CNNM2: variants seen among roughly 807,000 people sequenced by gnomAD.
CNNM2 encodes cyclin and CBS domain divalent metal cation transport mediator 2, also known as metal transporter CNNM2.
Under a neutral mutation model 66.9 loss-of-function variants are expected in CNNM2, and 12 were observed. The observed-to-expected ratio is 0.18, with a 90% CI of 0.11 to 0.29. CNNM2 has a LOEUF of 0.29. CNNM2 is among the 10% of genes least tolerant of loss of function. CNNM2 has a pLI of 1.00. For synonymous variants in CNNM2, 557 were observed against 501.8 expected (o/e 1.11, Z -1.47); for missense variants, 705 against 1,167.7 (o/e 0.60, Z 5.77).
chr10:103,038,243 T>C (rs1352424364), intron 1 of CNNM2, among the ~76,000 whole-genome samples: 1 of 152,220 alleles, frequency 6.6e-6, no homozygotes, highest in Non-Finnish European at 1.5e-5. Flanking sequence ...CTGTAAAATC[T>C]GAGAACCACC....
At chr10:103,014,704 A>G (rs1007525279) in intron 1 of CNNM2, among the ~76,000 whole-genome samples, 3 of 152,172 alleles carry the variant, frequency 2.0e-5, no homozygotes, top group Admixed American at 2.0e-4. Flanking sequence ...AAGCGCTTTT[A>G]CATTTGACAG....
At chr10:103,070,544 A>G (rs1043177206) in intron 5 of CNNM2, among the ~76,000 whole-genome samples, 1 of 152,186 alleles carries the variant, frequency 6.6e-6, no homozygotes, top group African/African-American at 2.4e-5. Flanking sequence ...GATGGCTTTG[A>G]AAATAAACTA....
In CNNM2 at chr10:102,938,490, C is replaced by T. The variant is rs868483804; in HGVS notation, c.1621+18389C>T. Reference sequence around the variant, plus strand: ...AAAAAATTAGCTGAGCATGGTGGCACACACCTGTCATGCTGGCTACTCAGG... The same window carrying T: ...AAAAAATTAGCTGAGCATGGTGGCATACACCTGTCATGCTGGCTACTCAGG... On this transcript the variant is annotated intron_variant, in intron 1 of 7. Coordinates refer to ENST00000369878, the MANE Select transcript of CNNM2 (RefSeq NM_017649.5). 2.7e-5 allele frequency among the ~76,000 whole-genome samples: 4 copies of T among 150,250 alleles called. No individual in the cohort carries two copies. In the South Asian group the frequency reaches 6.3e-4, roughly 24 times the overall value.
At chr10:103,021,073 C>G (rs957093847) in intron 1 of CNNM2, among the ~76,000 whole-genome samples, 19 of 152,264 alleles carry the variant, frequency 1.2e-4, no homozygotes, top group African/African-American at 4.6e-4. Context: ...CTTTCCTTAA[C>G]AAGGAAACTA....
chr10:103,045,183 C>G (rs2134322922), intron 1 of CNNM2, among the ~76,000 whole-genome samples: 1 of 152,318 alleles, frequency 6.6e-6, no homozygotes, highest in South Asian at 2.1e-4. Context: ...GAGAAACCTA[C>G]CGGACCAAGT....
At chr10:102,954,275 A>G (rs1304320787) in intron 1 of CNNM2, among the ~76,000 whole-genome samples, 1 of 151,718 alleles carries the variant, frequency 6.6e-6, no homozygotes, top group Non-Finnish European at 1.5e-5. Flanking sequence ...CCACAGGCAC[A>G]CAGCACCATG....
intron 1 of CNNM2, among the ~76,000 whole-genome samples, chr10:102,962,534 A>G (rs969147124): frequency 1.3e-5 from 2 of 152,212 alleles, no homozygotes; most frequent in South Asian, 2.1e-4. Context: ...AGCATTATTC[A>G]TACTAGAAAA....
intron 1 of CNNM2, among the ~76,000 whole-genome samples, chr10:102,948,584 C>A (rs1258848747): frequency 6.6e-6 from 1 of 152,150 alleles, no homozygotes; most frequent in Non-Finnish European, 1.5e-5. Context: ...AGCAGGCAGA[C>A]CTTGCAGGCC....
At chr10:102,945,788 G>C (rs1846596716) in intron 1 of CNNM2, among the ~76,000 whole-genome samples, 1 of 152,116 alleles carries the variant, frequency 6.6e-6, no homozygotes, top group African/African-American at 2.4e-5. Flanking sequence ...ATGTATCCAT[G>C]TTTATCTTTT....
chr10:102,952,651 A>T (rs927760858), intron 1 of CNNM2, among the ~76,000 whole-genome samples: 8 of 151,486 alleles, frequency 5.3e-5, no homozygotes, highest in African/African-American at 1.9e-4. Context: ...TTAAATGGAT[A>T]CCCTTTCACA....
chr10:103,082,244 G>T lies in CNNM2; in HGVS notation c.*5064G>T, dbSNP rs549488766. The T allele has an allele frequency of 6.6e-6, 1 of 152,340 alleles. No homozygotes were observed. Among genetic ancestry groups the T allele is most frequent in the African/African-American group, 2.4e-5 (1 of 41,574 alleles). The allele number at this position is 152,340 out of a possible 1,614,324, so 9.4% of individuals were successfully genotyped here. A position where few individuals can be genotyped will look rare whatever the true frequency, so the allele number is the denominator to read the frequency against. ...ACGCCTTCCGGCATCTGATCCACAT[G>T]GATTCACTTTTAGGATGCAGTTCTT... On this transcript the variant is annotated 3_prime_UTR_variant, in exon 8 of 8. Coordinates refer to ENST00000369878, the MANE Select transcript of CNNM2 (RefSeq NM_017649.5).
intron 1 of CNNM2, among the ~76,000 whole-genome samples, chr10:103,043,198 C>T (rs1444137301): frequency 1.3e-5 from 2 of 152,116 alleles, no homozygotes; most frequent in Non-Finnish European, 2.9e-5. Flanking sequence ...TTTCTTCCTG[C>T]TGTTTGAGTG....
chr10:102,919,147 C>A lies in CNNM2; in HGVS notation c.667C>A (p.Leu223Ile). Residue 223 changes from leucine (L) to isoleucine (I), a missense_variant, in exon 1 of 8, where the codon CTC becomes ATC. Physicochemically the swap from Leu to Ile is conservative, Grantham distance 5. Transcript: ENST00000369878. Reference sequence around the variant, plus strand: ...CAAGGGTGGCTCGGGGGTGGCCGGGCTCCCGCCGCCCCCGTGGGCCGAGAC... The same window carrying A: ...CAAGGGTGGCTCGGGGGTGGCCGGGATCCCGCCGCCCCCGTGGGCCGAGAC... ...GGKGGSGVAGLPPPPWAETTW... is the reference protein window; with the variant it reads ...GGKGGSGVAGIPPPPWAETTW... 1 of 1,609,218 alleles carries A rather than the reference C, an allele frequency of 6.2e-7. No homozygotes were observed. The highest frequency in any genetic ancestry group is 1.1e-5 in the South Asian group (1 of 90,930).
intron 1 of CNNM2, among the ~76,000 whole-genome samples, chr10:102,959,922 G>A (rs1847181647): frequency 6.6e-6 from 1 of 151,950 alleles, no homozygotes; most frequent in Non-Finnish European, 1.5e-5. Flanking sequence ...CATGGTGGCA[G>A]GCACCTGTAG....
intron 4 of CNNM2, among the ~76,000 whole-genome samples, chr10:103,067,291 C>T (rs1022691095): frequency 6.6e-6 from 1 of 152,012 alleles, no homozygotes; most frequent in Non-Finnish European, 1.5e-5. Flanking sequence ...TGATCTTGAA[C>T]TCCTGGGCTC....
intron 1 of CNNM2, among the ~76,000 whole-genome samples, chr10:103,026,494 A>G (rs1458600106): frequency 6.6e-6 from 1 of 151,458 alleles, no homozygotes; most frequent in Non-Finnish European, 1.5e-5. Context: ...TCAGCTACTC[A>G]AGAGGCTGAG....
rs141846320 is a variant in CNNM2, at chr10:103,073,601, C to T, written c.2233+1762C>T. Among the ~76,000 whole-genome samples, 479 of 152,242 alleles carry T rather than the reference C, an allele frequency of 3.1e-3. 4 individuals carry two copies. The highest frequency in any genetic ancestry group is 0.011 in the African/African-American group (460 of 41,556). On this transcript the variant is annotated intron_variant, in intron 6 of 7. Transcript: ENST00000369878. The stretch of plus-strand genomic sequence containing the variant: ...AATGGGCCGGGCGCGGTGGCTCACG[C>T]CTGTAATCCCAGCACTTTCGGAGGC...
At chr10:102,980,600 C>A (rs1022745987) in intron 1 of CNNM2, among the ~76,000 whole-genome samples, 1 of 152,094 alleles carries the variant, frequency 6.6e-6, no homozygotes, top group African/African-American at 2.4e-5. Context: ...GGCTCTTACG[C>A]TGAAAGATAA....
At chr10:103,025,341 G>C (rs533975893) in intron 1 of CNNM2, among the ~76,000 whole-genome samples, 1 of 151,812 alleles carries the variant, frequency 6.6e-6, no homozygotes, top group Non-Finnish European at 1.5e-5. Flanking sequence ...CACCCACCTC[G>C]GCCTCCCAAA....
Sources: gnomAD v4.1 joint callset for allele counts (sites outside exome capture counted in the v4.1 genomes callset) on GRCh38, gnomAD v4.1.1 for gene constraint, MANE v1.5 for transcripts, NCBI Gene and HGNC (gene_info 2026-07-23, HGNC 2026-07-21) for gene names.